EPM2A: variants seen among roughly 807,000 people sequenced by gnomAD.
EPM2A encodes the protein laforin.
Under a neutral mutation model 26.5 loss-of-function variants are expected in EPM2A, and 21 were observed. That is an observed-to-expected ratio of 0.79 (90% CI 0.56 to 1.14). The LOEUF is 1.14. Ranked by LOEUF, EPM2A falls within the 50% of genes most tolerant of loss-of-function variation. EPM2A has a pLI of 0.00. For synonymous variants in EPM2A, 217 were observed against 177.6 expected (o/e 1.22, Z -1.76); for missense variants, 458 against 440.8 (o/e 1.04, Z -0.35).
intron 4 of EPM2A, chr6:145,489,504 C>G (rs1473329124): frequency 1.7e-6 from 1 of 572,634 alleles, no homozygotes; most frequent in Non-Finnish European, 3.0e-6. Flanking sequence ...TCAACAAAAA[C>G]AATTCAGCAC....
chr6:145,581,331 G>T (rs530038107), intron 2 of EPM2A, among the ~76,000 whole-genome samples: 7 of 152,066 alleles, frequency 4.6e-5, no homozygotes, highest in Non-Finnish European at 1.0e-4. Flanking sequence ...TCTTTTGTCT[G>T]TTTTTAATGG....
At position 145,606,575 on chromosome 6, in the gene EPM2A, T is replaced by C. The variant is rs548791345; in HGVS notation, c.340+28670A>G. On this transcript the variant is annotated intron_variant, in intron 2 of 3. Transcript: ENST00000450221. Reference sequence around the variant, plus strand: ...TGAATATTTGCTTCATAGTTTTTTATTGAATATTTTAAATGTTCTTTTTCT... The same window carrying C: ...TGAATATTTGCTTCATAGTTTTTTACTGAATATTTTAAATGTTCTTTTTCT... Among the ~76,000 whole-genome samples, 12 of 152,292 alleles carry C rather than the reference T, an allele frequency of 7.9e-5. No individual in the cohort carries two copies. The South Asian group carries it at 2.3e-3, about 29-fold the overall frequency.
downstream of EPM2A, among the ~76,000 whole-genome samples, chr6:145,496,728 A>ATGTTTTTTTGTTTTTTTTTTTT (rs779194973): frequency 1.9e-4 from 20 of 106,908 alleles, no homozygotes; most frequent in South Asian, 1.1e-3. Context: ...AGTTCCTGCA[A>ATGTTTTTTTGTTTTTTTTTTTT]TTTTTTTTTT....
At chr6:145,642,222 T>G (rs1241209501) in intron 2 of EPM2A, among the ~76,000 whole-genome samples, 1 of 152,196 alleles carries the variant, frequency 6.6e-6, no homozygotes. Context: ...GAAAATAGAC[T>G]ATTGGTTTGT....
Position 145,561,988 on chromosome 6 carries a change from A to C in EPM2A, c.341-59413T>G, listed in dbSNP as rs149479949. 4.3e-3 allele frequency among the ~76,000 whole-genome samples: 652 copies of C among 152,156 alleles called. 2 individuals carry two copies. Among genetic ancestry groups the C allele is most frequent in the Middle Eastern group, 0.01 (3 of 294 alleles). On this transcript the variant is annotated intron_variant, in intron 2 of 3. Coordinates refer to the EPM2A transcript ENST00000450221. ...CCTAGATGACGGGTTGATAGGTGCA[A>C]ACCACCACAACACATGTATACCTAT...
At chr6:145,709,793 G>A (rs1775193581) in intron 1 of EPM2A, among the ~76,000 whole-genome samples, 1 of 152,050 alleles carries the variant, frequency 6.6e-6, no homozygotes, top group South Asian at 2.1e-4. Context: ...AAGACATAAG[G>A]AAATAATCCA....
chr6:145,670,032 C>T (rs995538597), intron 2 of EPM2A, among the ~76,000 whole-genome samples: 1 of 152,184 alleles, frequency 6.6e-6, no homozygotes, highest in Non-Finnish European at 1.5e-5. Flanking sequence ...CCTCCTAGGA[C>T]CAGAGATGAA....
chr6:145,572,860 A>G (rs1462554120), intron 2 of EPM2A, among the ~76,000 whole-genome samples: 2 of 152,196 alleles, frequency 1.3e-5, no homozygotes, highest in Admixed American at 1.3e-4. Context: ...CAGGTCACTC[A>G]ATAAATGGGC....
At chr6:145,701,987 G>C (rs181076933) in intron 1 of EPM2A, among the ~76,000 whole-genome samples, 1 of 151,924 alleles carries the variant, frequency 6.6e-6, no homozygotes, top group East Asian at 1.9e-4. Flanking sequence ...ATACCTCTTC[G>C]CTATAACACA....
chr6:145,480,323 G>A (rs1281681839), intron 4 of EPM2A, among the ~76,000 whole-genome samples: 3 of 152,030 alleles, frequency 2.0e-5, no homozygotes, highest in Admixed American at 2.0e-4. Context: ...GAGGGAAGGG[G>A]GAAGTGCTAC....
chr6:145,475,124 T>G (rs950469344), intron 4 of EPM2A, among the ~76,000 whole-genome samples: 1 of 152,170 alleles, frequency 6.6e-6, no homozygotes, highest in Non-Finnish European at 1.5e-5. Context: ...ACTGGGTATA[T>G]ACCCAAAGGA....
downstream of EPM2A, among the ~76,000 whole-genome samples, chr6:145,624,279 C>G (rs1775700062): frequency 6.6e-6 from 1 of 152,188 alleles, no homozygotes; most frequent in Non-Finnish European, 1.5e-5. Context: ...TGAATCTCCC[C>G]CTCTGCTTCT....
intron 2 of EPM2A, chr6:145,671,539 C>T (rs1170350062): frequency 3.9e-6 from 1 of 255,044 alleles, no homozygotes; most frequent in Non-Finnish European, 6.2e-6. Context: ...CAGAACTATA[C>T]TTTTAATAGT....
At chr6:145,640,882 T>C (rs1777038551) in intron 2 of EPM2A, 1 of 152,208 alleles carries the variant, frequency 6.6e-6, no homozygotes, top group South Asian at 2.1e-4. Context: ...AGGGTGCTTA[T>C]AACAGGCTCC....
chr6:145,456,282 C>G (rs1164376042), intron 4 of EPM2A, among the ~76,000 whole-genome samples: 1 of 152,024 alleles, frequency 6.6e-6, no homozygotes, highest in African/African-American at 2.4e-5. Flanking sequence ...TGGTAGTTAC[C>G]CTAACCTTAA....
chr6:145,635,476 T>C lies in EPM2A; in HGVS notation c.487A>G (p.Asn163Asp), dbSNP rs777767978. The change falls in exon 3 of 4, where the codon AAT (asparagine) becomes GAT (aspartate). Residue 163 changes from asparagine (N) to aspartate (D), a missense_variant. Physicochemically the swap from Asn to Asp is conservative, Grantham distance 23. Coordinates refer to ENST00000367519, the MANE Select transcript of EPM2A (RefSeq NM_005670.4). ...CGAGGGCAGCTACCCAGCCAGATAT[T>C]TGGTAGAATTCTAATGAGAACATAT... ...QAMHYSRILP[N>D]IWLGSCPRQV... 23 of 1,614,070 alleles carry C rather than the reference T, an allele frequency of 1.4e-5. No individual in the cohort carries two copies. The highest frequency in any genetic ancestry group is 1.8e-5 in the Non-Finnish European group (21 of 1,179,918).
At chr6:145,676,952 C>T (rs571660592) in intron 2 of EPM2A, among the ~76,000 whole-genome samples, 1 of 152,174 alleles carries the variant, frequency 6.6e-6, no homozygotes, top group Non-Finnish European at 1.5e-5. Context: ...ATCCTGATAC[C>T]AAAGCCTGGC....
chr6:145,469,082 C>T (rs1779437740), intron 4 of EPM2A, among the ~76,000 whole-genome samples: 1 of 152,064 alleles, frequency 6.6e-6, no homozygotes, highest in African/African-American at 2.4e-5. Flanking sequence ...CTGACAGTTT[C>T]ACATGGCTGG....
intron 2 of EPM2A, among the ~76,000 whole-genome samples, chr6:145,526,694 A>G (rs1217032811): frequency 6.6e-6 from 1 of 151,880 alleles, no homozygotes; most frequent in Non-Finnish European, 1.5e-5. Context: ...TTCTTTGTTA[A>G]TCTAGCTGGC....
Sources: allele counts gnomAD v4.1 joint callset (sites outside exome capture counted in the v4.1 genomes callset), GRCh38; gene constraint gnomAD v4.1.1; transcripts MANE v1.5; gene names NCBI Gene and HGNC (gene_info 2026-07-23, HGNC 2026-07-21).